Variants in COL10A1 observed in about 807,000 individuals in gnomAD.
COL10A1 encodes the protein collagen type X alpha 1 chain, also known as collagen alpha-1(X) chain.
In COL10A1, 10 loss-of-function variants were observed where a neutral mutation model predicts 18.2. That is an observed-to-expected ratio of 0.55 (90% CI 0.34 to 0.93). The LOEUF (loss-of-function observed/expected upper bound fraction) is 0.93, where lower values mean the gene tolerates loss of function less well. COL10A1 is among the 40% of genes least tolerant of loss of function. The pLI, the probability that COL10A1 is intolerant of heterozygous loss-of-function variation, is 0.02. For missense variants in COL10A1, 897 were observed against 853.5 expected, an observed-to-expected ratio of 1.05 and a Z score of -0.64; for synonymous variants, 330 against 316.6, an observed-to-expected ratio of 1.04 and a Z score of -0.45.
chr6:116,203,327 A>T, the COL10A1 span, among the ~76,000 whole-genome samples: 1 of 151,990 alleles, frequency 6.6e-6, no homozygotes, highest in Admixed American at 6.6e-5. Context: ...AAATGTGAAC[A>T]TATTTTCAGC....
At chr6:116,182,237 G>GTGTGTGTA in the COL10A1 span, among the ~76,000 whole-genome samples, 1 of 151,696 alleles carries the variant, frequency 6.6e-6, no homozygotes, top group East Asian at 1.9e-4. Flanking sequence ...GTGTGTGTGT[G>GTGTGTGTA]TGTGTGTGTG....
At chr6:116,153,245 C>G (rs968255262) in intron 1 of COL10A1, among the ~76,000 whole-genome samples, 5 of 151,828 alleles carry the variant, frequency 3.3e-5, no homozygotes, top group Non-Finnish European at 7.4e-5. Context: ...GATTTTAGCT[C>G]TATTTATAAG....
upstream of COL10A1, among the ~76,000 whole-genome samples, chr6:116,129,408 T>C (rs1779409729): frequency 6.6e-6 from 1 of 152,236 alleles, no homozygotes. Flanking sequence ...GTAACAGTTT[T>C]GGCAAGTGGG....
At chr6:116,135,690 C>T (rs1314164733) in intron 1 of COL10A1, among the ~76,000 whole-genome samples, 1 of 150,918 alleles carries the variant, frequency 6.6e-6, no homozygotes, top group African/African-American at 2.4e-5. Flanking sequence ...ATGCTGCTGG[C>T]AGTACTCTAA....
At chr6:116,185,619 T>C in the COL10A1 span, among the ~76,000 whole-genome samples, 6 of 152,140 alleles carry the variant, frequency 3.9e-5, no homozygotes, top group Non-Finnish European at 8.8e-5. Context: ...TTATATAATG[T>C]CCCACTTTGT....
chr6:116,188,850 A>G, the COL10A1 span, among the ~76,000 whole-genome samples: 1 of 151,842 alleles, frequency 6.6e-6, no homozygotes, highest in Non-Finnish European at 1.5e-5. Context: ...TTAAGGAGAG[A>G]AGGCCTATTT....
the COL10A1 span, among the ~76,000 whole-genome samples, chr6:116,170,820 G>T: frequency 6.6e-6 from 1 of 152,102 alleles, no homozygotes; most frequent in Non-Finnish European, 1.5e-5. Flanking sequence ...AGATCTTGCA[G>T]TTCTCACTCC....
At chr6:116,198,557 TCATCCCTAGAAAAAAA>T in the COL10A1 span, among the ~76,000 whole-genome samples, 2 of 151,742 alleles carry the variant, frequency 1.3e-5, no homozygotes, top group African/African-American at 4.8e-5. Flanking sequence ...TAATGAGACC[TCATCCCTAGAAAAAAA>T]ATTTAAAAAT....
intron 1 of COL10A1, among the ~76,000 whole-genome samples, chr6:116,150,824 G>T (rs560482671): frequency 1.3e-5 from 2 of 152,154 alleles, no homozygotes; most frequent in Admixed American, 6.5e-5. Flanking sequence ...TATATCTAGT[G>T]AATATCAAAT....
intron 1 of COL10A1, among the ~76,000 whole-genome samples, chr6:116,135,685 G>A (rs928605441): frequency 2.7e-5 from 4 of 150,664 alleles, no homozygotes; most frequent in Admixed American, 2.0e-4. Context: ...TATATATGCT[G>A]CTGGCAGTAC....
chr6:116,134,136 A>G (rs1312104489), intron 1 of COL10A1, among the ~76,000 whole-genome samples: 1 of 152,222 alleles, frequency 6.6e-6, no homozygotes, highest in Non-Finnish European at 1.5e-5. Context: ...GGAATGCTCC[A>G]CAATTGTGAT....
At chr6:116,151,143 C>CT (rs1780027542) in intron 1 of COL10A1, among the ~76,000 whole-genome samples, 2 of 152,160 alleles carry the variant, frequency 1.3e-5, no homozygotes, top group African/African-American at 2.4e-5. Context: ...GCTCAGCCTT[C>CT]TTTTTGCTTC....
rs557824352 is a variant in COL10A1, at chr6:116,119,894, G to A, written c.*179C>T. 70 of 631,250 alleles carry A rather than the reference G, an allele frequency of 1.1e-4. 1 individual carries two copies. Among genetic ancestry groups the A allele is most frequent in the African/African-American group, 6.8e-4 (37 of 54,636 alleles). 39.1% of individuals were successfully genotyped at this position (631,250 alleles called of 1,614,324 possible). A position where few individuals can be genotyped will look rare whatever the true frequency, so the allele number is the denominator to read the frequency against. On this transcript the variant is annotated 3_prime_UTR_variant, in exon 3 of 3. Transcript: ENST00000651968. The stretch of plus-strand genomic sequence containing the variant: ...GAAATTCAAGAGAGGCTTCACATAC[G>A]TTTTTACGTTGCTGCTCACTTTTCA...
chr6:116,204,135 G>C, the COL10A1 span, among the ~76,000 whole-genome samples: 1 of 151,948 alleles, frequency 6.6e-6, no homozygotes, highest in African/African-American at 2.4e-5. Flanking sequence ...ATGCACTGCT[G>C]TGAGCCTGAA....
At chr6:116,212,708 A>G in the COL10A1 span, among the ~76,000 whole-genome samples, 1 of 152,246 alleles carries the variant, frequency 6.6e-6, no homozygotes, top group Non-Finnish European at 1.5e-5. Context: ...AGGCAGGGGA[A>G]CAAACATCCC....
chr6:116,134,338 T>G (rs1370414846), intron 1 of COL10A1, among the ~76,000 whole-genome samples: 1 of 152,206 alleles, frequency 6.6e-6, no homozygotes, highest in South Asian at 2.1e-4. Flanking sequence ...AAGCCTCTTA[T>G]GGCCTCTGAC....
At chr6:116,140,291 A>G (rs1284687469) in intron 1 of COL10A1, among the ~76,000 whole-genome samples, 2 of 152,178 alleles carry the variant, frequency 1.3e-5, no homozygotes, top group Admixed American at 1.3e-4. Context: ...CCGTGGTAGC[A>G]GTTACACATC....
At chr6:116,214,497 T>C in the COL10A1 span, among the ~76,000 whole-genome samples, 2 of 152,120 alleles carry the variant, frequency 1.3e-5, no homozygotes, top group African/African-American at 4.8e-5. Context: ...TCTGGTTTTA[T>C]AGGGGTATTC....
intron 1 of COL10A1, among the ~76,000 whole-genome samples, chr6:116,133,471 A>G (rs1205383944): frequency 6.6e-6 from 1 of 152,198 alleles, no homozygotes; most frequent in Non-Finnish European, 1.5e-5. Flanking sequence ...GTACAAAGTA[A>G]AGTACTTGTA....
Sources: gnomAD v4.1 joint callset for allele counts (sites outside exome capture counted in the v4.1 genomes callset) on GRCh38, gnomAD v4.1.1 for gene constraint, MANE v1.5 for transcripts, NCBI Gene and HGNC (gene_info 2026-07-23, HGNC 2026-07-21) for gene names.